IPPK: variants seen among roughly 807,000 people sequenced by gnomAD.
IPPK encodes IPK1 homolog.
In IPPK, 22 loss-of-function variants were observed where a neutral mutation model predicts 64.6. That is an observed-to-expected ratio of 0.34 (90% CI 0.24 to 0.49). The LOEUF (loss-of-function observed/expected upper bound fraction) is 0.49, where lower values mean the gene tolerates loss of function less well. Among genes scored for constraint, IPPK ranks in the 20% least tolerant of loss-of-function variants. The pLI is 0.99. For missense variants in IPPK, 532 were observed against 630.7 expected (o/e 0.84, Z 1.68); for synonymous variants, 262 against 247.2 (o/e 1.06, Z -0.56).
At position 92,635,346 on chromosome 9, in the gene IPPK, T is replaced by G; in HGVS notation, c.917-38A>C. The G allele has an allele frequency of 6.3e-7, 1 of 1,594,744 alleles. No homozygotes were observed. On this transcript the variant is annotated intron_variant, in intron 9 of 12. Transcript: ENST00000287996. This position sits in a 1 kb window ranked among gnomAD's most constrained non-coding sequence, Gnocchi z 4.4. The stretch of plus-strand genomic sequence containing the variant: ...TCAGGGGAAAACGAGAGCATGTTGA[T>G]TATCAAAGAACGTGGAGGGAGACAC...
chr9:92,648,251 T>C (rs1852189223), intron 5 of IPPK, 103 bp from the exon 6 acceptor site: 3 of 838,992 alleles, frequency 3.6e-6, no homozygotes, highest in Non-Finnish European at 5.7e-6. Flanking sequence ...GCAAGATAAT[T>C]AGGCATAAAT....
chr9:92,634,674 C>G (rs1297688657), intron 10 of IPPK, among the ~76,000 whole-genome samples, 186 bp from the exon 11 acceptor site: 2 of 152,198 alleles, frequency 1.3e-5, no homozygotes, highest in East Asian at 3.9e-4. Flanking sequence ...AAGACCAGAA[C>G]CAGCGAGCCT....
In IPPK at chr9:92,670,113, C is replaced by G. The variant is rs1406556021; in HGVS notation, c.-125G>C. ...GCGCCTGTCAGCTGCCGCCCCCGCT[C>G]GACCCCGCCGCGGCGACTAGCAAGC... On this transcript the variant is annotated 5_prime_UTR_variant, in exon 1 of 13. Coordinates refer to ENST00000287996, the MANE Select transcript of IPPK (RefSeq NM_022755.6). 1.7e-6 allele frequency: 1 copy of G among 594,322 alleles called. No homozygotes were observed. Among genetic ancestry groups the G allele is most frequent in the African/African-American group, 2.0e-5 (1 of 50,308 alleles). The allele number at this position is 594,322 out of a possible 1,614,324, so 36.8% of individuals were successfully genotyped here.
intron 1 of IPPK, among the ~76,000 whole-genome samples, chr9:92,659,341 T>C (rs1031434086): frequency 1.3e-5 from 2 of 152,234 alleles, no homozygotes; most frequent in Non-Finnish European, 2.9e-5. Context: ...AGTACTTTTC[T>C]GCAGGTACGT....
At chr9:92,650,393 T>C (rs1305027324) in intron 4 of IPPK, among the ~76,000 whole-genome samples, 2 of 151,980 alleles carry the variant, frequency 1.3e-5, no homozygotes, top group African/African-American at 4.8e-5. Context: ...TCACGCCTTA[T>C]GGTATCGGCT....
At chr9:92,669,717 C>G (rs973625961) in intron 1 of IPPK, among the ~76,000 whole-genome samples, 191 bp downstream of exon 1, 2 of 139,232 alleles carry the variant, frequency 1.4e-5, no homozygotes, top group Non-Finnish European at 3.1e-5. Flanking sequence ...AGAGGGGATA[C>G]TGGGGTGATG....
chr9:92,621,947 T>TA (rs1680861789), intron 11 of IPPK, among the ~76,000 whole-genome samples: 2 of 152,210 alleles, frequency 1.3e-5, no homozygotes, highest in Admixed American at 1.3e-4. Flanking sequence ...GCACAGTTCT[T>TA]ATCACTCATA....
chr9:92,615,607 G>A lies in IPPK; in HGVS notation c.*225C>T. ...GGCTTAACGGACACTTCCATTTTAAGAGTGTGAGCAGCTTCCTGGGACACA... is the reference window on the plus strand; with the variant it reads ...GGCTTAACGGACACTTCCATTTTAAAAGTGTGAGCAGCTTCCTGGGACACA... On this transcript the variant is annotated 3_prime_UTR_variant, in exon 13 of 13. Coordinates refer to ENST00000287996, the MANE Select transcript of IPPK (RefSeq NM_022755.6). The A allele has an allele frequency of 3.8e-6, 2 of 522,804 alleles. No individual in the cohort carries two copies. Among genetic ancestry groups the A allele is most frequent in the Non-Finnish European group, 6.9e-6 (2 of 289,778 alleles). The allele number at this position is 522,804 out of a possible 1,614,324, so 32.4% of individuals were successfully genotyped here.
chr9:92,648,126 A>G lies in IPPK; in HGVS notation c.437T>C (p.Phe146Ser). ...EIKPKCGFIP[F>S]SSDVTHEMKH... ...CATCTCATGCGTGACATCACTCGAG[A>G]AAGGAATAAACCCACATTTTGGCTG... Residue 146 changes from phenylalanine to serine, a missense_variant, in exon 6 of 13, where the codon TTC becomes TCC. Phe to Ser is a radical substitution (Grantham distance 155, BLOSUM62 -2). Coordinates refer to ENST00000287996, the MANE Select transcript of IPPK (RefSeq NM_022755.6). The G allele has an allele frequency of 3.7e-6, 6 of 1,613,628 alleles. No individual in the cohort carries two copies. The highest frequency in any genetic ancestry group is 5.1e-6 in the Non-Finnish European group (6 of 1,179,728).
intron 7 of IPPK, among the ~76,000 whole-genome samples, chr9:92,642,155 G>C (rs996069707): frequency 6.6e-6 from 1 of 152,214 alleles, no homozygotes; most frequent in Non-Finnish European, 1.5e-5. Context: ...GCCCCACTGC[G>C]GACTGACCCT....
intron 8 of IPPK, among the ~76,000 whole-genome samples, chr9:92,639,301 A>T (rs950407181): frequency 6.6e-6 from 1 of 152,086 alleles, no homozygotes; most frequent in Non-Finnish European, 1.5e-5. Flanking sequence ...CATCTACCTC[A>T]GCCTCCCAAA....
At chr9:92,641,906 G>A (rs971610921) in intron 7 of IPPK, among the ~76,000 whole-genome samples, 7 of 152,346 alleles carry the variant, frequency 4.6e-5, no homozygotes. Flanking sequence ...GTCCCAGGGA[G>A]GGAAAGGAGA....
At chr9:92,619,875 G>C in intron 11 of IPPK, 1 of 390,974 alleles carries the variant, frequency 2.6e-6, no homozygotes, top group African/African-American at 2.0e-5. Context: ...CACCACAGTC[G>C]GCCTTTGGAA....
intron 11 of IPPK, among the ~76,000 whole-genome samples, chr9:92,623,433 C>CAA (rs538116710): frequency 2.2e-4 from 16 of 71,846 alleles, no homozygotes; most frequent in Non-Finnish European, 3.9e-4. Flanking sequence ...GACTCCGTCT[C>CAA]AAAAAAAAAA....
intron 1 of IPPK, among the ~76,000 whole-genome samples, chr9:92,661,508 GC>G (rs1358222438): frequency 6.6e-6 from 1 of 152,102 alleles, no homozygotes; most frequent in East Asian, 1.9e-4. Context: ...CTCCCACTCG[GC>G]CCTCCCAGCC....
chr9:92,613,226 A>C lies in IPPK; in HGVS notation c.*2606T>G. Reference sequence around the variant, plus strand: ...ATTTTATTCAATATAAACATTTGCTATTTTCTGCTTAGAAACCACACCCTG... The same window carrying C: ...ATTTTATTCAATATAAACATTTGCTCTTTTCTGCTTAGAAACCACACCCTG... On this transcript the variant is annotated 3_prime_UTR_variant, in exon 13 of 13. Coordinates refer to ENST00000287996, the MANE Select transcript of IPPK (RefSeq NM_022755.6). The C allele has an allele frequency of 6.3e-7, 1 of 1,581,428 alleles. No individual in the cohort carries two copies. Among genetic ancestry groups the C allele is most frequent in the Non-Finnish European group, 8.7e-7 (1 of 1,152,884 alleles).
intron 11 of IPPK, among the ~76,000 whole-genome samples, chr9:92,628,086 T>C (rs1291734103): frequency 1.3e-5 from 2 of 152,126 alleles, no homozygotes; most frequent in Non-Finnish European, 2.9e-5. Flanking sequence ...CAGAAAACAA[T>C]TCCATTTACA....
At chr9:92,652,672 A>C (rs1852290970) in intron 3 of IPPK, 33 bp from the exon 4 acceptor site, 1 of 1,281,370 alleles carries the variant, frequency 7.8e-7, no homozygotes, top group African/African-American at 1.5e-5. Flanking sequence ...CTCAGTGTGA[A>C]TTGCACAATG....
In IPPK at chr9:92,656,508, A is replaced by G. The variant is rs1367328534; in HGVS notation, c.173T>C (p.Phe58Ser). Residue 58 changes from phenylalanine to serine, a missense_variant, in exon 3 of 13, where the codon TTT (phenylalanine) becomes TCT (serine). Physicochemically the swap from Phe to Ser is radical, Grantham distance 155. Coordinates refer to ENST00000287996, the MANE Select transcript of IPPK (RefSeq NM_022755.6). ...AAACTCCTTCATGACATTTTTCCCA[A>G]AGTCCACTATGTTCTGCAGGTGTTG... ...IFQHLQNIVDFGKNVMKEFLG... is the reference protein window; with the variant it reads ...IFQHLQNIVDSGKNVMKEFLG... 1.9e-6 allele frequency: 3 copies of G among 1,613,704 alleles called. No individual in the cohort carries two copies. The highest frequency in any genetic ancestry group is 2.5e-6 in the Non-Finnish European group (3 of 1,179,666).
Sources: allele counts gnomAD v4.1 joint callset (sites outside exome capture counted in the v4.1 genomes callset), GRCh38; gene constraint gnomAD v4.1.1; non-coding constraint Gnocchi (gnomAD v3.1); transcripts MANE v1.5; gene names NCBI Gene and HGNC (gene_info 2026-07-23, HGNC 2026-07-21).